Variants in PTPRM observed in about 807,000 individuals in gnomAD.
The protein encoded by PTPRM is protein tyrosine phosphatase receptor type M, also known as receptor-type tyrosine-protein phosphatase mu.
A neutral mutation model predicts 186.7 loss-of-function variants in PTPRM; 47 were observed. That is an observed-to-expected ratio of 0.25 (90% CI 0.20 to 0.32). The LOEUF is 0.32. Among genes scored for constraint, PTPRM ranks in the 10% least tolerant of loss-of-function variants. The probability of loss-of-function intolerance (pLI) is 1.00; values close to 1 mark genes in which losing one functional copy is unlikely to be tolerated. For synonymous variants in PTPRM, 668 were observed against 674.9 expected (o/e 0.99, Z 0.16); for missense variants, 1,494 against 1,865.0 (o/e 0.80, Z 3.66).
chr18:7,804,090 C>G (rs1448647856), intron 2 of PTPRM, among the ~76,000 whole-genome samples: 1 of 152,176 alleles, frequency 6.6e-6, no homozygotes, highest in Non-Finnish European at 1.5e-5. Context: ...CAAAGGTACT[C>G]CCTTAGGTAT....
chr18:8,220,126 A>G (rs951873839), intron 14 of PTPRM, among the ~76,000 whole-genome samples: 12 of 152,196 alleles, frequency 7.9e-5, no homozygotes, highest in African/African-American at 2.9e-4. Context: ...AGATCATTAT[A>G]AAGAATTGCA....
intron 19 of PTPRM, among the ~76,000 whole-genome samples, chr18:8,269,568 C>T (rs944125798): frequency 1.3e-5 from 2 of 151,622 alleles, no homozygotes; most frequent in African/African-American, 4.8e-5. Context: ...TACAAAGGAC[C>T]CCAAATAGCC....
At chr18:8,158,382 A>G (rs1450693891) in intron 14 of PTPRM, among the ~76,000 whole-genome samples, 1 of 152,186 alleles carries the variant, frequency 6.6e-6, no homozygotes. Context: ...TCTAGTTCAT[A>G]AGAGCGTTAA....
At chr18:8,171,050 G>C (rs1019966003) in intron 14 of PTPRM, among the ~76,000 whole-genome samples, 29 of 152,188 alleles carry the variant, frequency 1.9e-4, no homozygotes, top group African/African-American at 6.8e-4. Context: ...TAAGAGATGA[G>C]GGTAAGACCC....
At chr18:8,397,865 C>T (rs1438955433) in intron 32 of PTPRM, among the ~76,000 whole-genome samples, 1 of 152,176 alleles carries the variant, frequency 6.6e-6, no homozygotes, top group Admixed American at 6.5e-5. Context: ...CCTAGAGAAA[C>T]ATAGTGTCCC....
At chr18:8,265,325 C>T (rs1012247181) in intron 19 of PTPRM, among the ~76,000 whole-genome samples, 12 of 152,300 alleles carry the variant, frequency 7.9e-5, no homozygotes, top group Admixed American at 2.0e-4. Context: ...TGAAGATATC[C>T]GCCATCCTGG....
At chr18:7,943,622 T>G (rs1190584535) in intron 5 of PTPRM, among the ~76,000 whole-genome samples, 1 of 152,246 alleles carries the variant, frequency 6.6e-6, no homozygotes, top group East Asian at 1.9e-4. Context: ...GACGGCAGGG[T>G]TGGTTCCTCC....
chr18:8,244,876 C>T (rs1261519212), intron 15 of PTPRM, among the ~76,000 whole-genome samples: 1 of 152,060 alleles, frequency 6.6e-6, no homozygotes, highest in African/African-American at 2.4e-5. Context: ...GGAGATACCT[C>T]ACTCTGTGGT....
intron 1 of PTPRM, among the ~76,000 whole-genome samples, chr18:7,596,548 T>C (rs2037265760): frequency 6.6e-6 from 1 of 152,208 alleles, no homozygotes. Context: ...TCCATTTTAT[T>C]ATTAGTTGTT....
intron 19 of PTPRM, among the ~76,000 whole-genome samples, chr18:8,293,340 A>T (rs1157245272): frequency 1.3e-5 from 2 of 152,208 alleles, no homozygotes; most frequent in South Asian, 2.1e-4. Flanking sequence ...CTGAAGAAAC[A>T]CAGCTGTGAT....
At chr18:8,110,811 A>G (rs182634571) in intron 11 of PTPRM, among the ~76,000 whole-genome samples, 114 of 152,338 alleles carry the variant, frequency 7.5e-4, no homozygotes, top group Admixed American at 5.3e-3. Flanking sequence ...ATTATCGTCT[A>G]TAACTCCCTT....
chr18:7,663,014 T>C (rs142653924), intron 1 of PTPRM, among the ~76,000 whole-genome samples: 1 of 152,310 alleles, frequency 6.6e-6, no homozygotes, highest in East Asian at 1.9e-4. Context: ...TTGAAATAGA[T>C]GTATCATCCC....
chr18:8,245,090 C>T (rs2094465201), intron 15 of PTPRM, among the ~76,000 whole-genome samples: 1 of 152,126 alleles, frequency 6.6e-6, no homozygotes, highest in Non-Finnish European at 1.5e-5. Flanking sequence ...TGGCATCTGG[C>T]GTGGGGCGAC....
chr18:8,106,515 G>A (rs2091527154), intron 11 of PTPRM, among the ~76,000 whole-genome samples: 1 of 152,074 alleles, frequency 6.6e-6, no homozygotes, highest in Admixed American at 6.6e-5. Context: ...TTTGTCCTTT[G>A]TACAAACCCT....
chr18:7,684,247 C>G (rs2039545196), intron 1 of PTPRM, among the ~76,000 whole-genome samples: 1 of 151,702 alleles, frequency 6.6e-6, no homozygotes, highest in Non-Finnish European at 1.5e-5. Flanking sequence ...TTGCAGGGAG[C>G]TATACACCAC....
chr18:8,289,950 C>T (rs879905523), intron 19 of PTPRM, among the ~76,000 whole-genome samples: 12 of 152,124 alleles, frequency 7.9e-5, no homozygotes, highest in Non-Finnish European at 1.5e-4. Context: ...TCACATGCTC[C>T]TTTTGCCTGC....
chr18:8,049,140 T>C (rs1465243760), intron 7 of PTPRM, among the ~76,000 whole-genome samples: 1 of 152,244 alleles, frequency 6.6e-6, no homozygotes, highest in African/African-American at 2.4e-5. Flanking sequence ...ATTTGTTTCA[T>C]ACAACAGTTT....
intron 2 of PTPRM, among the ~76,000 whole-genome samples, chr18:7,863,778 G>A (rs1235461612): frequency 1.3e-5 from 2 of 152,178 alleles, no homozygotes; most frequent in Non-Finnish European, 2.9e-5. Context: ...TCGCCACACT[G>A]TCTTCCACAA....
At chr18:7,872,425 A>C (rs2048029069) in intron 2 of PTPRM, among the ~76,000 whole-genome samples, 1 of 152,100 alleles carries the variant, frequency 6.6e-6, no homozygotes, top group Non-Finnish European at 1.5e-5. Flanking sequence ...TATTATTCAT[A>C]TTATTTTGCT....
Sources: gnomAD v4.1 joint callset for allele counts (sites outside exome capture counted in the v4.1 genomes callset) on GRCh38, gnomAD v4.1.1 for gene constraint, MANE v1.5 for transcripts, NCBI Gene and HGNC (gene_info 2026-07-23, HGNC 2026-07-21) for gene names.